The following ROBO2 variants were observed in gnomAD, a reference collection of about 807,000 sequenced individuals.
The protein encoded by ROBO2 is roundabout guidance receptor 2, also known as roundabout homolog 2.
Under a neutral mutation model 160.8 loss-of-function variants are expected in ROBO2, and 53 were observed. The ratio of observed to expected loss-of-function variants is 0.33; its 90% confidence interval spans 0.26 to 0.41. The LOEUF is 0.41. Ranked by LOEUF, ROBO2 falls within the 10% of genes least tolerant of loss-of-function variation. ROBO2 has a pLI of 1.00. For missense variants in ROBO2, 1,577 were observed against 1,722.4 expected (o/e 0.92, Z 1.49); for synonymous variants, 664 against 611.7 (o/e 1.09, Z -1.26).
intron 2 of ROBO2, among the ~76,000 whole-genome samples, chr3:76,735,511 C>T (rs2093694152): frequency 6.6e-6 from 1 of 152,094 alleles, no homozygotes; most frequent in Non-Finnish European, 1.5e-5. Context: ...CCTGTAATCT[C>T]AGCACTTTGG....
At chr3:77,027,897 A>G (rs1185809553) in intron 2 of ROBO2, among the ~76,000 whole-genome samples, 1 of 151,928 alleles carries the variant, frequency 6.6e-6, no homozygotes, top group Non-Finnish European at 1.5e-5. Flanking sequence ...AGCGGGTAGA[A>G]AGAAATTAGA....
intron 2 of ROBO2, among the ~76,000 whole-genome samples, chr3:77,428,487 G>C (rs1340330596): frequency 6.6e-6 from 1 of 150,648 alleles, no homozygotes; most frequent in East Asian, 1.9e-4. Flanking sequence ...CTCCCGAGTA[G>C]CTGGGACTAC....
At chr3:77,352,467 A>AT (rs146246051) in intron 2 of ROBO2, among the ~76,000 whole-genome samples, 4,580 of 151,356 alleles carry the variant, frequency 0.03, 253 homozygotes, top group African/African-American at 0.1. Flanking sequence ...AAACAGCGAT[A>AT]TTTTTTTTTC....
intron 2 of ROBO2, among the ~76,000 whole-genome samples, chr3:77,449,261 A>T (rs35974339): frequency 0.15 from 23,468 of 152,108 alleles, 2,132 homozygotes; most frequent in East Asian, 0.38. Flanking sequence ...GACTAAAGCA[A>T]ATGGTCATTC....
intron 2 of ROBO2, among the ~76,000 whole-genome samples, chr3:76,323,886 C>T (rs1576429074): frequency 1.3e-5 from 2 of 152,302 alleles, no homozygotes; most frequent in East Asian, 3.9e-4. Flanking sequence ...TAAATACACA[C>T]AGAATAGCAC....
chr3:77,249,098 A>G (rs2090071828), intron 2 of ROBO2, among the ~76,000 whole-genome samples: 1 of 152,090 alleles, frequency 6.6e-6, no homozygotes, highest in Non-Finnish European at 1.5e-5. Context: ...GTGATCCACC[A>G]GCCTCTGCTC....
At chr3:76,559,463 C>T (rs1368179739) in intron 2 of ROBO2, among the ~76,000 whole-genome samples, 3 of 152,008 alleles carry the variant, frequency 2.0e-5, no homozygotes, top group African/African-American at 2.4e-5. Context: ...TCGTTTTAAC[C>T]AATCAACCAA....
intron 2 of ROBO2, among the ~76,000 whole-genome samples, chr3:77,471,538 A>T (rs1262051867): frequency 2.0e-5 from 3 of 152,212 alleles, no homozygotes; most frequent in Admixed American, 6.5e-5. Context: ...TCCATTCTGC[A>T]ACATGGCACC....
intron 2 of ROBO2, among the ~76,000 whole-genome samples, chr3:77,374,215 GA>G (rs949315263): frequency 4.5e-5 from 2 of 44,536 alleles, no homozygotes; most frequent in African/African-American, 1.7e-4. Flanking sequence ...CTGGACTAAA[GA>G]AAAAAACAAA....
chr3:77,580,226 G>A (rs1413595514), intron 16 of ROBO2, 108 bp downstream of exon 17: 4 of 1,014,622 alleles, frequency 3.9e-6, no homozygotes, highest in Non-Finnish European at 1.5e-6. Flanking sequence ...TGAATGATAG[G>A]GTACACATAT....
chr3:76,179,113 A>G (rs2073334481), intron 2 of ROBO2, among the ~76,000 whole-genome samples: 1 of 152,118 alleles, frequency 6.6e-6, no homozygotes, highest in Non-Finnish European at 1.5e-5. Context: ...AGAGCAGCTC[A>G]TTCGGAATTA....
intron 2 of ROBO2, among the ~76,000 whole-genome samples, chr3:76,811,915 C>T (rs112397117): frequency 2.0e-5 from 3 of 146,462 alleles, no homozygotes; most frequent in African/African-American, 5.0e-5. Flanking sequence ...CTGTATCCCA[C>T]GCTGGAGTGC....
At chr3:76,452,739 C>T (rs1204375427) in intron 2 of ROBO2, among the ~76,000 whole-genome samples, 20 of 152,132 alleles carry the variant, frequency 1.3e-4, no homozygotes, top group South Asian at 2.1e-4. Flanking sequence ...AGATCCCTGA[C>T]GAATCGCCAC....
At chr3:76,809,950 T>A (rs905742642) in intron 2 of ROBO2, among the ~76,000 whole-genome samples, 1 of 151,980 alleles carries the variant, frequency 6.6e-6, no homozygotes, top group Non-Finnish European at 1.5e-5. Flanking sequence ...GAAAATATAA[T>A]GGAAATAGGA....
intron 2 of ROBO2, among the ~76,000 whole-genome samples, chr3:77,233,311 GC>G (rs911191415): frequency 2.6e-4 from 39 of 151,614 alleles, no homozygotes; most frequent in African/African-American, 7.5e-4. Context: ...AATAATCCTT[GC>G]CCCCCCCTCC....
chr3:76,101,392 G>A lies in ROBO2; in HGVS notation c.109+163790G>A, dbSNP rs150488208. ...CTGGGAGGGGACGATCACACTTTTA[G>A]ATATAAAAACATTGAATTTGCAACA... On this transcript the variant is annotated intron_variant, in intron 2 of 26. Transcript: ENST00000487694. 1.4e-4 allele frequency among the ~76,000 whole-genome samples: 21 copies of A among 152,112 alleles called. No individual in the cohort carries two copies. In the East Asian group the frequency reaches 2.1e-3, roughly 15 times the overall value.
chr3:77,537,801 C>G (rs959309110), intron 6 of ROBO2, among the ~76,000 whole-genome samples: 1 of 151,954 alleles, frequency 6.6e-6, no homozygotes, highest in Non-Finnish European at 1.5e-5. Flanking sequence ...GCAAGAGAGC[C>G]CTTTGTGGGG....
chr3:77,270,066 T>C (rs1233206680), intron 2 of ROBO2, among the ~76,000 whole-genome samples: 1 of 152,208 alleles, frequency 6.6e-6, no homozygotes, highest in Non-Finnish European at 1.5e-5. Context: ...TACCTTCATT[T>C]ACTCTATGTT....
At chr3:75,948,826 G>C (rs1170671060) in intron 2 of ROBO2, among the ~76,000 whole-genome samples, 1 of 152,108 alleles carries the variant, frequency 6.6e-6, no homozygotes, top group Admixed American at 6.6e-5. Context: ...TAGCTGCTAA[G>C]TTATGTTATA....
Sources: allele counts gnomAD v4.1 joint callset (sites outside exome capture counted in the v4.1 genomes callset), GRCh38; gene constraint gnomAD v4.1.1; transcripts MANE v1.5; gene names NCBI Gene and HGNC (gene_info 2026-07-23, HGNC 2026-07-21).